The following NOTCH1 variants were observed in gnomAD, a reference collection of about 807,000 sequenced individuals.
NOTCH1 encodes neurogenic locus notch homolog protein 1.
A neutral mutation model predicts 254.8 loss-of-function variants in NOTCH1; 37 were observed. That is an observed-to-expected ratio of 0.15 (90% CI 0.11 to 0.19). The LOEUF is 0.19. Ranked by LOEUF, NOTCH1 falls within the 10% of genes least tolerant of loss-of-function variation. The pLI, the probability that NOTCH1 is intolerant of heterozygous loss-of-function variation, is 1.00. For missense variants in NOTCH1, 2,972 were observed against 3,708.6 expected (o/e 0.80, Z 5.16); for synonymous variants, 1,731 against 1,618.1 (o/e 1.07, Z -1.68).
intron 2 of NOTCH1, among the ~76,000 whole-genome samples, chr9:136,538,702 G>A (rs1044800337): frequency 4.6e-5 from 7 of 152,216 alleles, no homozygotes; most frequent in Admixed American, 1.3e-4. Flanking sequence ...AGATCCCCAC[G>A]CCCTCGCAGC....
rs1843797922 is a variant in NOTCH1, at chr9:136,545,274, C to T, written c.61+452G>A. On this transcript the variant is annotated intron_variant, in intron 1 of 33. Transcript: ENST00000651671. This position sits in a 1 kb window ranked among gnomAD's most constrained non-coding sequence, Gnocchi z 6.8. ...ACGCGGCGCCGCAGAGCCCACACTC[C>T]GCGCCCCAACATCCGCCCCGGCGTG... Among the ~76,000 whole-genome samples, 3 of 152,148 alleles carry T rather than the reference C, an allele frequency of 2.0e-5. No homozygotes were observed. The highest frequency in any genetic ancestry group is 2.0e-4 in the Admixed American group (3 of 15,284).
chr9:136,498,770 A>T, intron 33 of NOTCH1, 129 bp downstream of exon 33: 1 of 1,062,118 alleles, frequency 9.4e-7, no homozygotes, highest in Non-Finnish European at 1.4e-6. Context: ...TGGGGCCCAC[A>T]TGCGGGCCCA....
At chr9:136,543,917 G>A (rs1843770781) in intron 2 of NOTCH1, 107 bp downstream of exon 2, 1 of 1,088,864 alleles carries the variant, frequency 9.2e-7, no homozygotes, top group Non-Finnish European at 1.4e-6. Context: ...CCAGACTCTG[G>A]GCCATCTCCA....
rs367858719 is a variant in NOTCH1 at position 136,544,070 on chromosome 9, G to A, written c.94C>T (p.Leu32=). The change falls in exon 2 of 34, where the codon CTG becomes TTG. Residue 32 remains leucine, a synonymous_variant. Transcript: ENST00000651671. ...PRCSQPGETC[L]NGGKCEAANG... ...GCCGCTTCACACTTCCCGCCATTCAGGCAGGTCTCACCGGGCTGGGAGCAT... is the reference window on the plus strand; with the variant it reads ...GCCGCTTCACACTTCCCGCCATTCAAGCAGGTCTCACCGGGCTGGGAGCAT... 7.0e-6 allele frequency: 11 copies of A among 1,582,048 alleles called. No individual in the cohort carries two copies. Among genetic ancestry groups the A allele is most frequent in the Admixed American group, 1.8e-5 (1 of 55,766 alleles).
rs748265185 is a variant in NOTCH1, at chr9:136,513,575, G to A, written c.2208-38C>T. 2.6e-5 allele frequency: 42 copies of A among 1,611,070 alleles called. No homozygotes were observed. Among genetic ancestry groups the A allele is most frequent in the Non-Finnish European group, 3.2e-5 (38 of 1,179,358 alleles). ...CCACACTGCAGGTCGAGGGAGGCCC[G>A]AGCAGCACGGCCGGGGCCTGGGCAC... On this transcript the variant is annotated intron_variant, in intron 13 of 33. Coordinates refer to ENST00000651671, the MANE Select transcript of NOTCH1 (RefSeq NM_017617.5). The surrounding 1 kb of genome is among the most constrained non-coding windows in gnomAD (Gnocchi z 4.7).
At chr9:136,532,012 G>A (rs1216964066) in intron 2 of NOTCH1, among the ~76,000 whole-genome samples, 1 of 152,220 alleles carries the variant, frequency 6.6e-6, no homozygotes, top group Non-Finnish European at 1.5e-5. Context: ...GGCCCACTGT[G>A]CCCCTGGCAC....
chr9:136,500,010 C>T (rs550655887), intron 31 of NOTCH1, among the ~76,000 whole-genome samples: 5 of 152,170 alleles, frequency 3.3e-5, no homozygotes, highest in Admixed American at 1.3e-4. Context: ...CCTGGGGACT[C>T]GCAGCAGGGG....
At chr9:136,537,402 C>T (rs1486419002) in intron 2 of NOTCH1, among the ~76,000 whole-genome samples, 1 of 152,182 alleles carries the variant, frequency 6.6e-6, no homozygotes, top group African/African-American at 2.4e-5. Context: ...AGGCAACGTC[C>T]AGAAGAGGCG....
At position 136,496,413 on chromosome 9, in the gene NOTCH1, G is replaced by A. The variant is rs774079994; in HGVS notation, c.7326C>T (p.Asp2442=). The A allele has an allele frequency of 3.1e-5, 50 of 1,599,496 alleles. No individual in the cohort carries two copies. Among genetic ancestry groups the A allele is most frequent in the South Asian group, 4.4e-5 (4 of 90,994 alleles). ...SFLSGEPSQA[D]VQPLGPSSLA... ...GGCTGCTGGGGCCCAGTGGCTGCAC[G>A]TCTGCCTGGCTCGGCTCTCCACTCA... The change falls in exon 34 of 34, where the codon GAC becomes GAT. Residue 2442 remains aspartate (D), a synonymous_variant. Transcript: ENST00000651671.
rs1259573886 is a variant in NOTCH1 at position 136,509,921 on chromosome 9, G to A, written c.2781C>T (p.Asn927=). 6.2e-7 allele frequency: 1 copy of A among 1,613,186 alleles called. No homozygotes were observed. ...HNGGSCTDGI[N]TAFCDCLPGF... ...CGGGCAGGCAGTCGCAGAAGGCCGT[G>A]TTGATGCCGTCTGTGCAGGAGCCCC... is the stretch of plus-strand genomic sequence containing the variant. Residue 927 remains asparagine, a synonymous_variant, in exon 18 of 34, where the codon AAC becomes AAT. Transcript: ENST00000651671.
At chr9:136,512,925 AC>A in intron 15 of NOTCH1, 95 bp downstream of exon 15, 2 of 104,220 alleles carry the variant, frequency 1.9e-5, no homozygotes, top group South Asian at 4.4e-5. Context: ...CCCTGGCCCC[AC>A]CCTCTCCAGC....
chr9:136,538,398 G>A (rs1462646706), intron 2 of NOTCH1, among the ~76,000 whole-genome samples: 1 of 152,188 alleles, frequency 6.6e-6, no homozygotes, highest in South Asian at 2.1e-4. Flanking sequence ...AGTTGGAAGG[G>A]GAATCACATA....
rs2133321410 is a variant in NOTCH1 at position 136,498,899 on chromosome 9, C to T, written c.6180G>A (p.Arg2060=). 1 of 1,613,660 alleles carries T rather than the reference C, an allele frequency of 6.2e-7. No homozygotes were observed. The highest frequency in any genetic ancestry group is 8.5e-7 in the Non-Finnish European group (1 of 1,179,986). ...NGANKDMQNN[R]EETPLFLAAR... ...CCTGGCATCCCAGCCTCGCGCTCACCCTGTTGTTCTGCATATCTTTGTTAG... is the reference window on the plus strand; with the variant it reads ...CCTGGCATCCCAGCCTCGCGCTCACTCTGTTGTTCTGCATATCTTTGTTAG... The change falls in exon 33 of 34, where the codon AGG becomes AGA. Residue 2060 remains arginine (R), a splice_region_variant and synonymous_variant. Transcript: ENST00000651671.
rs1040239938 is a variant in NOTCH1, at chr9:136,523,350, T to C, written c.404-162A>G. On this transcript the variant is annotated intron_variant, in intron 3 of 33. Transcript: ENST00000651671. ...CGTGAGACCGGTCGCCTTTGGCAGA[T>C]GAAGGACCACAGCTCCCAAGAGGCC... Among the ~76,000 whole-genome samples, 14 of 152,300 alleles carry C rather than the reference T, an allele frequency of 9.2e-5. No homozygotes were observed. In the East Asian group the frequency reaches 2.7e-3, roughly 29 times the overall value.
chr9:136,515,470 C>CCTGG lies in NOTCH1; in HGVS notation c.1903+9_1903+12dup. Reference sequence around the variant, plus strand: ...CCACTGGCCCCCCGCCGGCCACCCGCCTGGCCGGCCACCTGTGGTCCCCTT... The same window carrying CCTGG: ...CCACTGGCCCCCCGCCGGCCACCCGCCTGGCTGGCCGGCCACCTGTGGTCCCCTT... On this transcript the variant is annotated intron_variant, in intron 11 of 33. Transcript: ENST00000651671. The CCTGG allele has an allele frequency of 1.2e-6, 2 of 1,611,556 alleles. No homozygotes were observed. The highest frequency in any genetic ancestry group is 8.5e-7 in the Non-Finnish European group (1 of 1,179,440).
At chr9:136,504,229 G>T (rs1479287991) in intron 26 of NOTCH1, among the ~76,000 whole-genome samples, 1 of 152,230 alleles carries the variant, frequency 6.6e-6, no homozygotes, top group African/African-American at 2.4e-5. Context: ...CAGAGACAAG[G>T]TCTCCCTATG....
intron 2 of NOTCH1, among the ~76,000 whole-genome samples, chr9:136,542,083 G>C (rs1036004180): frequency 6.6e-6 from 1 of 152,202 alleles, no homozygotes; most frequent in Admixed American, 6.5e-5. Context: ...CCAGTGTTTT[G>C]CGGCCCTGTG....
chr9:136,536,067 G>C (rs1467638053), intron 2 of NOTCH1, among the ~76,000 whole-genome samples: 1 of 151,986 alleles, frequency 6.6e-6, no homozygotes, highest in Non-Finnish European at 1.5e-5. Flanking sequence ...CTGCTGGGGA[G>C]TTTCTCCTCC....
rs568950055 is a variant in NOTCH1 at position 136,544,252 on chromosome 9, T to A, written c.62-150A>T. ...CACTCTGCTCAGTATCATGGGTTGC[T>A]GGGGCACGGGTCCGCAGGAAGCCCC... On this transcript the variant is annotated intron_variant, in intron 1 of 33. Coordinates refer to ENST00000651671, the MANE Select transcript of NOTCH1 (RefSeq NM_017617.5). The A allele has an allele frequency of 2.5e-5, 19 of 764,304 alleles. No individual in the cohort carries two copies. In the African/African-American group the frequency reaches 2.9e-4, roughly 12 times the overall value. 47.3% of individuals were successfully genotyped at this position (764,304 alleles called of 1,614,324 possible).
Sources: allele counts gnomAD v4.1 joint callset (sites outside exome capture counted in the v4.1 genomes callset), GRCh38; gene constraint gnomAD v4.1.1; non-coding constraint Gnocchi (gnomAD v3.1); transcripts MANE v1.5; gene names NCBI Gene and HGNC (gene_info 2026-07-23, HGNC 2026-07-21).